PLD2: variants seen among roughly 807,000 people sequenced by gnomAD.
The protein encoded by PLD2 is phospholipase D2.
Under a neutral mutation model 119.8 loss-of-function variants are expected in PLD2, and 101 were observed. The observed-to-expected ratio is 0.84, with a 90% confidence interval of 0.72 to 0.99. The LOEUF is 0.99. Ranked by LOEUF, PLD2 falls within the 50% of genes least tolerant of loss-of-function variation. The pLI is 0.00. For missense variants in PLD2, 1,164 were observed against 1,226.8 expected (o/e 0.95, Z 0.76); for synonymous variants, 494 against 482.8 (o/e 1.02, Z -0.30).
At position 4,819,642 on chromosome 17, in the gene PLD2, C is replaced by G. The variant is rs1907441250; in HGVS notation, c.2462+60C>G. 6.6e-7 allele frequency: 1 copy of G among 1,511,258 alleles called. No individual in the cohort carries two copies. The highest frequency in any genetic ancestry group is 9.0e-7 in the Non-Finnish European group (1 of 1,110,102). The allele number at this position is 1,511,258 out of a possible 1,614,324, so 93.6% of individuals were successfully genotyped here. On this transcript the variant is annotated intron_variant, in intron 23 of 24. Transcript: ENST00000263088. This position sits in a 1 kb window ranked among gnomAD's most constrained non-coding sequence, Gnocchi z 4.2. ...GAGATGGGGGCGTCTGCCTTTTGAG[C>G]AGGACAAGAGGTAGCACCGCATAGG...
chr17:4,810,033 A>G lies in PLD2; in HGVS notation c.860+4A>G. 6.2e-7 allele frequency: 1 copy of G among 1,612,338 alleles called. No homozygotes were observed. Among genetic ancestry groups the G allele is most frequent in the Non-Finnish European group, 8.5e-7 (1 of 1,179,906 alleles). ...TGCGGATCGATACCTCCCACAGGTGAGGCCTCCCTGGGGTGAGAGACACCA... is the reference window on the plus strand; with the variant it reads ...TGCGGATCGATACCTCCCACAGGTGGGGCCTCCCTGGGGTGAGAGACACCA... On this transcript the variant is annotated splice_donor_region_variant and intron_variant, in intron 9 of 24. Transcript: ENST00000263088.
At position 4,815,984 on chromosome 17, in the gene PLD2, A is replaced by G. The variant is rs774883890; in HGVS notation, c.1455+50A>G. On this transcript the variant is annotated intron_variant, in intron 14 of 24. Coordinates refer to ENST00000263088, the MANE Select transcript of PLD2 (RefSeq NM_002663.5). The stretch of plus-strand genomic sequence containing the variant: ...GCACCCCCAAACTCAGATAAGCTCA[A>G]TCAACACCATTTCCCAGCTCCAGCC... 23 of 1,312,976 alleles carry G rather than the reference A, an allele frequency of 1.8e-5. No homozygotes were observed. The Middle Eastern group carries it at 9.2e-4, about 53-fold the overall frequency. 81.3% of individuals were successfully genotyped at this position (1,312,976 alleles called of 1,614,324 possible). A position where few individuals can be genotyped will look rare whatever the true frequency, so the allele number is the denominator to read the frequency against.
rs200515904 is a variant in PLD2, at chr17:4,819,474, G to A, written c.2354G>A (p.Ser785Asn). 3.7e-6 allele frequency: 6 copies of A among 1,614,064 alleles called. No homozygotes were observed. Among genetic ancestry groups the A allele is most frequent in the Non-Finnish European group, 5.1e-6 (6 of 1,179,994 alleles). ...NDRSLLGKRD[S>N]ELAVLIEDTE... The stretch of plus-strand genomic sequence containing the variant: ...CGGAGCTTGCTGGGGAAGCGGGACA[G>A]TGAGCTGGCCGTGCTGATCGAGGAC... The change falls in exon 23 of 25, where the codon AGT becomes AAT. Residue 785 changes from serine to asparagine, a missense_variant. Ser to Asn is a conservative substitution (Grantham distance 46). Transcript: ENST00000263088. This position sits in a 1 kb window ranked among gnomAD's most constrained non-coding sequence, Gnocchi z 4.2.
In PLD2 at chr17:4,816,605, G is replaced by A. The variant is rs1906996908; in HGVS notation, c.1456-15G>A. On this transcript the variant is annotated splice_polypyrimidine_tract_variant and intron_variant, in intron 14 of 24. Coordinates refer to ENST00000263088, the MANE Select transcript of PLD2 (RefSeq NM_002663.5). ...ACTTCCCCTTGCCCCTGGCTTGGGT[G>A]TGTTCCCCCTACAGCCTCCCACCCC... The A allele has an allele frequency of 6.2e-7, 1 of 1,613,326 alleles. No homozygotes were observed. The highest frequency in any genetic ancestry group is 1.1e-5 in the South Asian group (1 of 91,040).
chr17:4,817,432 G>A (rs1419458539), intron 17 of PLD2, 173 bp downstream of exon 17: 3 of 614,004 alleles, frequency 4.9e-6, no homozygotes, highest in South Asian at 3.7e-5. Flanking sequence ...GAAGGCCAAG[G>A]CAGGCGGATC....
intron 23 of PLD2, among the ~76,000 whole-genome samples, chr17:4,820,225 T>A (rs1434604187): frequency 6.6e-6 from 1 of 151,450 alleles, no homozygotes; most frequent in Non-Finnish European, 1.5e-5. Context: ...ATTACAGGCG[T>A]GAGCCACTGC....
At position 4,819,566 on chromosome 17, in the gene PLD2, C is replaced by T. The variant is rs150535605; in HGVS notation, c.2446C>T (p.Arg816Trp). 3.3e-5 allele frequency: 53 copies of T among 1,611,122 alleles called. No homozygotes were observed. Among genetic ancestry groups the T allele is most frequent in the Non-Finnish European group, 4.0e-5 (47 of 1,178,360 alleles). ...GGCGGGCAGGTTTGCCTTGAGTCTGCGGAAGCACTGCTTCGGGTAGAGCTG... is the reference window on the plus strand; with the variant it reads ...GGCGGGCAGGTTTGCCTTGAGTCTGTGGAAGCACTGCTTCGGGTAGAGCTG... ...YQAGRFALSL[R>W]KHCFGVILGA... Residue 816 changes from arginine to tryptophan, a missense_variant, in exon 23 of 25, where the codon CGG becomes TGG. Arg to Trp is a moderately radical substitution (Grantham distance 101). Transcript: ENST00000263088. This position sits in a 1 kb window ranked among gnomAD's most constrained non-coding sequence, Gnocchi z 4.2.
intron 9 of PLD2, among the ~76,000 whole-genome samples, chr17:4,810,411 G>A (rs200598872): frequency 6.6e-6 from 1 of 152,106 alleles, no homozygotes. Flanking sequence ...TTGGGAGGCC[G>A]AGGCGGGTGG....
At chr17:4,814,114 G>C (rs746647723) in intron 10 of PLD2, 2 of 282,928 alleles carry the variant, frequency 7.1e-6, no homozygotes, top group Non-Finnish European at 1.3e-5. Flanking sequence ...CTTACTCTTT[G>C]CTCATTTTTC....
chr17:4,819,518 C>G lies in PLD2; in HGVS notation c.2398C>G (p.Leu800Val). The change falls in exon 23 of 25, where the codon CTC becomes GTC. Residue 800 changes from leucine (L) to valine (V), a missense_variant. Coordinates refer to ENST00000263088, the MANE Select transcript of PLD2 (RefSeq NM_002663.5). The surrounding 1 kb of genome is among the most constrained non-coding windows in gnomAD (Gnocchi z 4.2). ...LIEDTETEPS[L>V]MNGAEYQAGR... ...CGAGGACACAGAGACGGAACCATCC[C>G]TCATGAATGGGGCAGAGTATCAGGC... The G allele has an allele frequency of 6.2e-7, 1 of 1,614,084 alleles. No individual in the cohort carries two copies.
At chr17:4,820,193 T>G (rs1448065060) in intron 23 of PLD2, among the ~76,000 whole-genome samples, 2 of 151,368 alleles carry the variant, frequency 1.3e-5, no homozygotes, top group African/African-American at 4.9e-5. Flanking sequence ...ATCCACCCAC[T>G]TCAGCATTCC....
rs1567530866 is a variant in PLD2 at position 4,815,943 on chromosome 17, CCT to C, written c.1455+10_1455+11del. On this transcript the variant is annotated intron_variant, in intron 14 of 24. Coordinates refer to ENST00000263088, the MANE Select transcript of PLD2 (RefSeq NM_002663.5). The stretch of plus-strand genomic sequence containing the variant: ...AATCAGCTGCCTCCCAGGTAATCCC[CCT>C]GAGGCCTTCCTGAGCACCCCCAAAC... The C allele has an allele frequency of 1.3e-6, 2 of 1,595,676 alleles. No homozygotes were observed. Among genetic ancestry groups the C allele is most frequent in the African/African-American group, 2.7e-5 (2 of 74,698 alleles).
At position 4,810,008 on chromosome 17, in the gene PLD2, T is replaced by G; in HGVS notation, c.839T>G (p.Val280Gly). Reference protein sequence around the residue: ...GKRSTEARHGVRIDTSHRSLI... With the variant: ...GKRSTEARHGGRIDTSHRSLI... ...AGGAGCACGGAGGCACGGCACGGCG[T>G]GCGGATCGATACCTCCCACAGGTGA... Residue 280 changes from valine to glycine, a missense_variant, in exon 9 of 25, where the codon GTG becomes GGG. Val to Gly is a moderately radical substitution (Grantham distance 109). Coordinates refer to ENST00000263088, the MANE Select transcript of PLD2 (RefSeq NM_002663.5). The G allele has an allele frequency of 6.2e-6, 10 of 1,613,138 alleles. No homozygotes were observed. Among genetic ancestry groups the G allele is most frequent in the Non-Finnish European group, 8.5e-6 (10 of 1,180,014 alleles).
chr17:4,819,100 G>A lies in PLD2; in HGVS notation c.2190G>A (p.Arg730=). Reference sequence around the variant, plus strand: ...GTCACGCAGTGGGGACAGCATGGCGGGACTATATTTCCATCTGCGGGCTTC... The same window carrying A: ...GTCACGCAGTGGGGACAGCATGGCGAGACTATATTTCCATCTGCGGGCTTC... ...RLKAAMGTAW[R]DYISICGLRT... Residue 730 remains arginine, a synonymous_variant, in exon 22 of 25, where the codon CGG becomes CGA. Transcript: ENST00000263088. This position sits in a 1 kb window ranked among gnomAD's most constrained non-coding sequence, Gnocchi z 4.2. 5 of 1,614,180 alleles carry A rather than the reference G, an allele frequency of 3.1e-6. No individual in the cohort carries two copies. The South Asian group carries it at 4.4e-5, about 14-fold the overall frequency.
chr17:4,807,765 T>G lies in PLD2; in HGVS notation c.-1-7T>G. 1 of 1,553,394 alleles carries G rather than the reference T, an allele frequency of 6.4e-7. No homozygotes were observed. Among genetic ancestry groups the G allele is most frequent in the South Asian group, 1.1e-5 (1 of 89,956 alleles). Reference sequence around the variant, plus strand: ...CTCGCCTCCCTGAGGCTTCCCAATGTTCCTAGGATGACGGCGACCCCTGAG... The same window carrying G: ...CTCGCCTCCCTGAGGCTTCCCAATGGTCCTAGGATGACGGCGACCCCTGAG... On this transcript the variant is annotated splice_region_variant and splice_polypyrimidine_tract_variant and intron_variant, in intron 1 of 24. Coordinates refer to ENST00000263088, the MANE Select transcript of PLD2 (RefSeq NM_002663.5). The surrounding 1 kb of genome is among the most constrained non-coding windows in gnomAD (Gnocchi z 5.4).
intron 19 of PLD2, 48 bp from the exon 20 acceptor site, chr17:4,818,446 G>T (rs746278101): frequency 1.0e-4 from 164 of 1,603,392 alleles, no homozygotes; most frequent in Non-Finnish European, 1.4e-4. Context: ...GTTGAAGGGG[G>T]TGGGGTTTGA....
In PLD2 at chr17:4,814,519, C is replaced by G; in HGVS notation, c.1094+18C>G. The G allele has an allele frequency of 6.2e-7, 1 of 1,612,950 alleles. No individual in the cohort carries two copies. The highest frequency in any genetic ancestry group is 8.5e-7 in the Non-Finnish European group (1 of 1,179,564). ...GACTGGTGGTGAGTGGGAAAAGGCC[C>G]CAACAACATGGGGCAGGATAGAGCC... On this transcript the variant is annotated intron_variant, in intron 11 of 24. Transcript: ENST00000263088.
chr17:4,819,372 G>C lies in PLD2; in HGVS notation c.2309-57G>C. The C allele has an allele frequency of 6.2e-7, 1 of 1,608,126 alleles. No homozygotes were observed. ...GCCAGTGCTTTGGTAGAGGGGATGG[G>C]GTACTGGGGAGAGTGCCCTGGGCCC... On this transcript the variant is annotated intron_variant, in intron 22 of 24. Transcript: ENST00000263088. The surrounding 1 kb of genome is among the most constrained non-coding windows in gnomAD (Gnocchi z 4.2).
Position 4,818,349 on chromosome 17 carries a change from G to T in PLD2, c.1973G>T (p.Gly658Val), listed in dbSNP as rs748966619. ...GGGCGGACGGTTCTGAACAAGGTGG[G>T]CGATGAGATTGTGGACAGAATCCTG... ...SDGRTVLNKV[G>V]DEIVDRILKA... is the part of the protein sequence containing the mutation. The change falls in exon 19 of 25, where the codon GGC becomes GTC. Residue 658 changes from glycine to valine, a missense_variant. Gly to Val is a moderately radical substitution (Grantham distance 109). Transcript: ENST00000263088. The T allele has an allele frequency of 3.1e-6, 5 of 1,614,196 alleles. No individual in the cohort carries two copies. The South Asian group carries it at 5.5e-5, about 18-fold the overall frequency.
Sources: allele counts gnomAD v4.1 joint callset (sites outside exome capture counted in the v4.1 genomes callset), GRCh38; gene constraint gnomAD v4.1.1; non-coding constraint Gnocchi (gnomAD v3.1); transcripts MANE v1.5; gene names NCBI Gene and HGNC (gene_info 2026-07-23, HGNC 2026-07-21).